The following RABGEF1 variants were observed in gnomAD, a reference collection of about 807,000 sequenced individuals.
RABGEF1 encodes rab5 GDP/GTP exchange factor.
In RABGEF1, 26 loss-of-function variants were observed where a neutral mutation model predicts 57.3. The observed-to-expected ratio is 0.45, with a 90% CI of 0.33 to 0.63. RABGEF1 has a LOEUF of 0.63. RABGEF1 is among the 20% of genes least tolerant of loss of function. The pLI is 0.02. For synonymous variants in RABGEF1, 185 were observed against 210.7 expected (o/e 0.88, Z 1.06); for missense variants, 464 against 607.6 (o/e 0.76, Z 2.48).
chr7:66,777,254 A>G, intron 3 of RABGEF1, among the ~76,000 whole-genome samples: 1 of 152,220 alleles, frequency 6.6e-6, no homozygotes, highest in East Asian at 1.9e-4. Flanking sequence ...TAAAACAAGT[A>G]TAAAATTATC....
At chr7:66,711,161 A>C (rs1448362923) in intron 1 of RABGEF1, among the ~76,000 whole-genome samples, 34 of 152,176 alleles carry the variant, frequency 2.2e-4, no homozygotes, top group Admixed American at 2.2e-3. Flanking sequence ...CCATCTTAAA[A>C]AAATATTTTT....
intron 1 of RABGEF1, among the ~76,000 whole-genome samples, chr7:66,687,596 T>C (rs1033179332): frequency 5.9e-5 from 9 of 152,132 alleles, no homozygotes; most frequent in African/African-American, 2.2e-4. Flanking sequence ...GGAGGATCTC[T>C]TGAGCCCAGG....
At chr7:66,804,807 C>T (rs1788079511) in intron 7 of RABGEF1, among the ~76,000 whole-genome samples, 1 of 151,526 alleles carries the variant, frequency 6.6e-6, no homozygotes, top group African/African-American at 2.4e-5. Context: ...CACCCTGCTA[C>T]ATACTGTCTG....
chr7:66,671,561 A>G, the RABGEF1 span, among the ~76,000 whole-genome samples: 1 of 152,216 alleles, frequency 6.6e-6, no homozygotes. Context: ...AGACTGATAT[A>G]GTGTTGTTCT....
At chr7:66,658,391 GGT>G in the RABGEF1 span, among the ~76,000 whole-genome samples, 1 of 152,114 alleles carries the variant, frequency 6.6e-6, no homozygotes, top group Non-Finnish European at 1.5e-5. Context: ...AAATGAGCTG[GGT>G]GTGGTGGCAG....
rs569722667 is a variant in RABGEF1, at chr7:66,782,446, G to T, written c.347-1229G>T. Among the ~76,000 whole-genome samples the T allele has an allele frequency of 3.4e-5, 5 of 149,232 alleles. No individual in the cohort carries two copies. The East Asian group carries it at 6.0e-4, about 18-fold the overall frequency. On this transcript the variant is annotated intron_variant, in intron 3 of 8. Transcript: ENST00000284957. ...TACCCCCTATTTTACATAAAACATA[G>T]CACAGTGTACATACCTTACTTTTTT...
chr7:66,717,716 T>C (rs1257727428), intron 2 of RABGEF1, among the ~76,000 whole-genome samples: 1 of 152,146 alleles, frequency 6.6e-6, no homozygotes, highest in Admixed American at 6.5e-5. Flanking sequence ...CACACCACCA[T>C]GCCCATCTAA....
chr7:66,734,355 A>G (rs1411854476), intron 2 of RABGEF1, among the ~76,000 whole-genome samples: 2 of 152,182 alleles, frequency 1.3e-5, no homozygotes, highest in Admixed American at 6.5e-5. Context: ...ACCACCTCCT[A>G]GCTGTGTATT....
At chr7:66,708,621 T>C (rs1794413269) in intron 1 of RABGEF1, among the ~76,000 whole-genome samples, 1 of 151,996 alleles carries the variant, frequency 6.6e-6, no homozygotes. Flanking sequence ...TTGGGCAACA[T>C]AGGGAGACTC....
At chr7:66,778,386 GT>G (rs1809042390) in intron 3 of RABGEF1, among the ~76,000 whole-genome samples, 1 of 152,226 alleles carries the variant, frequency 6.6e-6, no homozygotes, top group Admixed American at 6.5e-5. Flanking sequence ...TGTCTTGACT[GT>G]AAAGACTCAG....
chr7:66,810,357 T>C lies in RABGEF1; in HGVS notation c.*1073T>C, dbSNP rs1456789508. ...AGAATGTTCAGCAGCATTCCTGCCA[T>C]CCATATCCATTAGGTGCCAGTAGCA... On this transcript the variant is annotated 3_prime_UTR_variant, in exon 9 of 9. Transcript: ENST00000284957. 6.6e-6 allele frequency: 1 copy of C among 152,160 alleles called. No homozygotes were observed. The allele number at this position is 152,160 out of a possible 1,614,324, so 9.4% of individuals were successfully genotyped here. A position where few individuals can be genotyped will look rare whatever the true frequency, so the allele number is the denominator to read the frequency against.
chr7:66,809,315 C>A lies in RABGEF1; in HGVS notation c.*31C>A. 1 of 1,568,790 alleles carries A rather than the reference C, an allele frequency of 6.4e-7. No homozygotes were observed. Among genetic ancestry groups the A allele is most frequent in the Non-Finnish European group, 8.7e-7 (1 of 1,155,468 alleles). ...ATTTAGTGGAGAGTATTTATTTGAG[C>A]CTAAATTGTAGGTAGCCCTTACTAC... On this transcript the variant is annotated 3_prime_UTR_variant, in exon 9 of 9. Transcript: ENST00000284957.
At chr7:66,742,095 G>A (rs1799115055) in intron 1 of RABGEF1, among the ~76,000 whole-genome samples, 1 of 151,886 alleles carries the variant, frequency 6.6e-6, no homozygotes, top group South Asian at 2.1e-4. Flanking sequence ...AGGTTGCAGT[G>A]AGCCGAAATC....
intron 3 of RABGEF1, among the ~76,000 whole-genome samples, chr7:66,781,541 T>C (rs1809907949): frequency 6.6e-6 from 1 of 152,208 alleles, no homozygotes; most frequent in African/African-American, 2.4e-5. Context: ...TAGGCCACGG[T>C]GTGTGATGTT....
chr7:66,735,687 T>C (rs934088255), intron 2 of RABGEF1, among the ~76,000 whole-genome samples: 3 of 152,154 alleles, frequency 2.0e-5, no homozygotes, highest in African/African-American at 7.2e-5. Context: ...CCTCCCCCTC[T>C]CTCTCTCTTC....
intron 1 of RABGEF1, among the ~76,000 whole-genome samples, chr7:66,742,390 T>C (rs1405417192): frequency 6.6e-6 from 1 of 152,164 alleles, no homozygotes; most frequent in Non-Finnish European, 1.5e-5. Flanking sequence ...ACAGTCAAGA[T>C]ACTTTCAAAA....
intron 2 of RABGEF1, among the ~76,000 whole-genome samples, chr7:66,725,165 T>C (rs550355126): frequency 4.1e-4 from 63 of 152,340 alleles, no homozygotes; most frequent in Middle Eastern, 3.4e-3. Flanking sequence ...CCCACTTCCT[T>C]ACATGTCTGT....
In RABGEF1 at chr7:66,809,512, A is replaced by C. The variant is rs1323784047; in HGVS notation, c.*228A>C. The stretch of plus-strand genomic sequence containing the variant: ...CAGATTCATTTAAGGCTTGTGTGCA[A>C]ATTTTGTCTCAATCTTTTTTCCCTC... On this transcript the variant is annotated 3_prime_UTR_variant, in exon 9 of 9. Transcript: ENST00000284957. 4.9e-6 allele frequency: 2 copies of C among 405,796 alleles called. No individual in the cohort carries two copies. The highest frequency in any genetic ancestry group is 4.2e-5 in the Admixed American group (1 of 23,550). 25.1% of individuals were successfully genotyped at this position (405,796 alleles called of 1,614,324 possible). A position where few individuals can be genotyped will look rare whatever the true frequency, so the allele number is the denominator to read the frequency against.
intron 1 of RABGEF1, among the ~76,000 whole-genome samples, chr7:66,748,165 T>A (rs1050711328): frequency 9.9e-5 from 15 of 152,090 alleles, no homozygotes; most frequent in African/African-American, 3.6e-4. Context: ...GGGTGTCGAG[T>A]TTTACTTTGT....
Sources: gnomAD v4.1 joint callset for allele counts (sites outside exome capture counted in the v4.1 genomes callset) on GRCh38, gnomAD v4.1.1 for gene constraint, MANE v1.5 for transcripts, NCBI Gene and HGNC (gene_info 2026-07-23, HGNC 2026-07-21) for gene names.